KDM2A: variants seen among roughly 807,000 people sequenced by gnomAD.
The protein encoded by KDM2A is lysine demethylase 2A.
Under a neutral mutation model 137.3 loss-of-function variants are expected in KDM2A, and 3 were observed. That is an observed-to-expected ratio of 0.02 (90% CI 0.01 to 0.06). KDM2A has a LOEUF of 0.06. Ranked by LOEUF, KDM2A falls within the 10% of genes least tolerant of loss-of-function variation. KDM2A has a pLI of 1.00. For missense variants in KDM2A, 738 were observed against 1,510.6 expected (o/e 0.49, Z 8.48); for synonymous variants, 512 against 541.5 (o/e 0.95, Z 0.76).
rs373144982 is a variant in KDM2A at position 67,231,807 on chromosome 11, G to A, written c.1326G>A (p.Gln442=). The change falls in exon 12 of 21, where the codon CAG becomes CAA. Residue 442 remains glutamine, a synonymous_variant. Coordinates refer to ENST00000529006, the MANE Select transcript of KDM2A (RefSeq NM_012308.3). ...ACAATGGACAAGTGTGGGATCCCCAGTGTGCTCCCCGAAAGGACAGGCAAG... is the reference window on the plus strand; with the variant it reads ...ACAATGGACAAGTGTGGGATCCCCAATGTGCTCCCCGAAAGGACAGGCAAG... ...GSHNGQVWDP[Q]CAPRKDRQVH... The A allele has an allele frequency of 1.9e-6, 3 of 1,613,964 alleles. No homozygotes were observed. Among genetic ancestry groups the A allele is most frequent in the African/African-American group, 1.3e-5 (1 of 74,948 alleles).
intron 5 of KDM2A, among the ~76,000 whole-genome samples, chr11:67,186,666 C>T (rs138999330): frequency 3.9e-4 from 59 of 152,224 alleles, no homozygotes; most frequent in Middle Eastern, 6.8e-3. Context: ...GTTTAAGAGA[C>T]GAGCATATTT....
intron 11 of KDM2A, 78 bp from the exon 12 acceptor site, chr11:67,231,488 T>TA: frequency 7.5e-7 from 1 of 1,338,706 alleles, no homozygotes; most frequent in South Asian, 1.5e-5. Context: ...TCAAGGCCCC[T>TA]ATCATGCCAC....
Position 67,254,739 on chromosome 11 carries a change from GTC to G in KDM2A, c.3308-131_3308-130del. 1 of 796,434 alleles carries G rather than the reference GTC, an allele frequency of 1.3e-6. No individual in the cohort carries two copies. Among genetic ancestry groups the G allele is most frequent in the Non-Finnish European group, 2.0e-6 (1 of 500,412 alleles). The allele number at this position is 796,434 out of a possible 1,614,324, so 49.3% of individuals were successfully genotyped here. A position where few individuals can be genotyped will look rare whatever the true frequency, so the allele number is the denominator to read the frequency against. On this transcript the variant is annotated intron_variant, in intron 20 of 20. Coordinates refer to ENST00000529006, the MANE Select transcript of KDM2A (RefSeq NM_012308.3). This position sits in a 1 kb window ranked among gnomAD's most constrained non-coding sequence, Gnocchi z 4.7. ...TTTGGAGGTGCTGATGGCACTTCTG[GTC>G]TCTGAGCCAGGTAGTTGTGGGACAA...
chr11:67,204,057 T>C (rs982641444), intron 5 of KDM2A, among the ~76,000 whole-genome samples: 5 of 152,106 alleles, frequency 3.3e-5, no homozygotes, highest in African/African-American at 1.2e-4. Context: ...CGCCTCGGCC[T>C]CCCAAAGTGC....
Position 67,256,914 on chromosome 11 carries a change from G to A in KDM2A, c.*1859G>A, listed in dbSNP as rs1249515592. On this transcript the variant is annotated 3_prime_UTR_variant, in exon 21 of 21. Coordinates refer to ENST00000529006, the MANE Select transcript of KDM2A (RefSeq NM_012308.3). ...ATTGGTCTCCAGGCCCCAATAATCT[G>A]GGGTTGAAACTTTGAGGAAATGCCA... 1 of 152,600 alleles carries A rather than the reference G, an allele frequency of 6.6e-6. No homozygotes were observed. Among genetic ancestry groups the A allele is most frequent in the Non-Finnish European group, 1.5e-5 (1 of 68,038 alleles). 9.5% of individuals were successfully genotyped at this position (152,600 alleles called of 1,614,324 possible).
chr11:67,151,538 C>G (rs952150038), intron 2 of KDM2A, among the ~76,000 whole-genome samples: 62 of 151,556 alleles, frequency 4.1e-4, no homozygotes, highest in African/African-American at 1.3e-3. Flanking sequence ...TTAGTAGAGA[C>G]CGGGGTTTCA....
At position 67,256,615 on chromosome 11, in the gene KDM2A, C is replaced by T. The variant is rs964827484; in HGVS notation, c.*1560C>T. On this transcript the variant is annotated 3_prime_UTR_variant, in exon 21 of 21. Coordinates refer to ENST00000529006, the MANE Select transcript of KDM2A (RefSeq NM_012308.3). ...AGGCTTTCCTCTTCCTGAAGCCCTACAGAGTTAGGGAATGGAGCCCAGGCA... is the reference window on the plus strand; with the variant it reads ...AGGCTTTCCTCTTCCTGAAGCCCTATAGAGTTAGGGAATGGAGCCCAGGCA... 6.6e-6 allele frequency: 1 copy of T among 152,624 alleles called. No homozygotes were observed. Among genetic ancestry groups the T allele is most frequent in the Admixed American group, 6.5e-5 (1 of 15,276 alleles). 9.5% of individuals were successfully genotyped at this position (152,624 alleles called of 1,614,324 possible). A position where few individuals can be genotyped will look rare whatever the true frequency, so the allele number is the denominator to read the frequency against.
At chr11:67,143,944 ATT>A (rs560706398) in intron 2 of KDM2A, among the ~76,000 whole-genome samples, 1 of 142,906 alleles carries the variant, frequency 7.0e-6, no homozygotes. Flanking sequence ...AAAAAAAACT[ATT>A]TTTTTTTTTT....
At chr11:67,227,699 A>G (rs1278740291) in intron 10 of KDM2A, among the ~76,000 whole-genome samples, 1 of 152,078 alleles carries the variant, frequency 6.6e-6, no homozygotes, top group African/African-American at 2.4e-5. Context: ...CCTCCCGAGT[A>G]GCTGGGATTA....
In KDM2A at chr11:67,222,010, A is replaced by G. The variant is rs992317945; in HGVS notation, c.957+2607A>G. On this transcript the variant is annotated intron_variant, in intron 10 of 20. Transcript: ENST00000529006. ...AAATAGGGAAAATGTTTCAAAAGAA[A>G]AAAAATGTATAATTCCATAGTAAAA... Among the ~76,000 whole-genome samples, 4 of 151,948 alleles carry G rather than the reference A, an allele frequency of 2.6e-5. No homozygotes were observed. In the East Asian group the frequency reaches 5.8e-4, roughly 22 times the overall value.
intron 2 of KDM2A, among the ~76,000 whole-genome samples, chr11:67,127,007 G>A (rs1163199253): frequency 6.6e-6 from 1 of 152,170 alleles, no homozygotes; most frequent in African/African-American, 2.4e-5. Context: ...ATGCAAGTTT[G>A]TATACCTGAG....
chr11:67,193,688 C>G (rs921671464), intron 5 of KDM2A, among the ~76,000 whole-genome samples: 3 of 151,880 alleles, frequency 2.0e-5, no homozygotes, highest in Non-Finnish European at 2.9e-5. Context: ...TGGCAAAACG[C>G]CGTATCTACT....
At chr11:67,132,430 C>T (rs1855874958) in intron 2 of KDM2A, among the ~76,000 whole-genome samples, 1 of 151,946 alleles carries the variant, frequency 6.6e-6, no homozygotes, top group Non-Finnish European at 1.5e-5. Context: ...ATTACAGGCA[C>T]GTGCCACCAC....
At chr11:67,205,204 G>T (rs1359962298) in intron 5 of KDM2A, among the ~76,000 whole-genome samples, 1 of 152,170 alleles carries the variant, frequency 6.6e-6, no homozygotes, top group East Asian at 1.9e-4. Flanking sequence ...ATCCTAGTGG[G>T]TGTGAAGTGG....
chr11:67,254,939 G>T lies in KDM2A; in HGVS notation c.3373G>T (p.Asp1125Tyr). ...GCGCATTGCCAACGTCACCTTGATC[G>T]ACCTTCGAGGATGCAAGCAGATCAC... ...LRRIANVTLI[D>Y]LRGCKQITRK... is the part of the protein sequence containing the mutation. The change falls in exon 21 of 21, where the codon GAC (aspartate) becomes TAC (tyrosine). Residue 1125 changes from aspartate to tyrosine, a missense_variant. Physicochemically the swap from Asp to Tyr is radical, Grantham distance 160. Coordinates refer to ENST00000529006, the MANE Select transcript of KDM2A (RefSeq NM_012308.3). The surrounding 1 kb of genome is among the most constrained non-coding windows in gnomAD (Gnocchi z 4.7). 1 of 1,613,914 alleles carries T rather than the reference G, an allele frequency of 6.2e-7. No individual in the cohort carries two copies.
At chr11:67,247,044 T>C in intron 15 of KDM2A, among the ~76,000 whole-genome samples, 2 of 24,402 alleles carry the variant, frequency 8.2e-5, no homozygotes, top group Non-Finnish European at 1.7e-4. Flanking sequence ...ATTTTATATA[T>C]ATATATATAT....
At chr11:67,230,908 G>A (rs1440469913) in intron 11 of KDM2A, among the ~76,000 whole-genome samples, 2 of 151,092 alleles carry the variant, frequency 1.3e-5, no homozygotes, top group African/African-American at 4.9e-5. Context: ...TCCAAAGCTT[G>A]ATTTTAAGAC....
At chr11:67,225,064 G>A (rs771602027) in intron 10 of KDM2A, among the ~76,000 whole-genome samples, 134 of 151,620 alleles carry the variant, frequency 8.8e-4, no homozygotes, top group Non-Finnish European at 1.6e-3. Flanking sequence ...TTGACCTCAG[G>A]TGATCCACTT....
intron 11 of KDM2A, among the ~76,000 whole-genome samples, chr11:67,229,022 C>T (rs143736741): frequency 1.1e-4 from 17 of 152,198 alleles, no homozygotes; most frequent in African/African-American, 4.1e-4. Flanking sequence ...ACTCCTGGCC[C>T]GGTTGTCTAA....
Sources: gnomAD v4.1 joint callset for allele counts (sites outside exome capture counted in the v4.1 genomes callset) on GRCh38, gnomAD v4.1.1 for gene constraint, Gnocchi (gnomAD v3.1) non-coding constraint, MANE v1.5 for transcripts, NCBI Gene and HGNC (gene_info 2026-07-23, HGNC 2026-07-21) for gene names.